USP36: variants seen among roughly 807,000 people sequenced by gnomAD.
USP36 encodes the protein ubiquitin carboxyl-terminal hydrolase 36.
A neutral mutation model predicts 111.5 loss-of-function variants in USP36; 59 were observed. The ratio of observed to expected loss-of-function variants is 0.53; its 90% CI spans 0.43 to 0.66. The LOEUF (loss-of-function observed/expected upper bound fraction) is 0.66. Ranked by LOEUF, USP36 falls within the 30% of genes least tolerant of loss-of-function variation. USP36 has a pLI of 0.00. For missense variants in USP36, 1,488 were observed against 1,468.0 expected (o/e 1.01, Z -0.22); for synonymous variants, 628 against 581.0 (o/e 1.08, Z -1.16).
In USP36 at chr17:78,802,500, A is replaced by G; in HGVS notation, c.2846T>C (p.Met949Thr). 1.9e-6 allele frequency: 3 copies of G among 1,608,038 alleles called. No individual in the cohort carries two copies. Among genetic ancestry groups the G allele is most frequent in the Non-Finnish European group, 2.5e-6 (3 of 1,179,862 alleles). The change falls in exon 17 of 21, where the codon ATG becomes ACG. Residue 949 changes from methionine (M) to threonine (T), a missense_variant. Physicochemically the swap from Met to Thr is moderately conservative, Grantham distance 81 (BLOSUM62 -1). This residue lies in a region of USP36 where 1,073 missense variants were observed against 994.1 expected (regional missense o/e 1.08). Transcript: ENST00000449938. ...SPMGDGDPEA[M>T]EESPRKKKKK... ...TTTCTTTTTCCTTGGAGACTCTTCC[A>G]TGGCCTCTGGATCACCATCACCCAT...
chr17:78,807,732 T>C (rs952735469), intron 13 of USP36, 96 bp from the exon 14 acceptor site: 3 of 1,228,824 alleles, frequency 2.4e-6, no homozygotes, highest in Non-Finnish European at 3.3e-6. Flanking sequence ...GTAGCAGGCA[T>C]GGCCTCTGAT....
At position 78,814,426 on chromosome 17, in the gene USP36, A is replaced by G; in HGVS notation, c.1150T>C (p.Tyr384His). 1 of 1,614,188 alleles carries G rather than the reference A, an allele frequency of 6.2e-7. No individual in the cohort carries two copies. The highest frequency in any genetic ancestry group is 8.5e-7 in the Non-Finnish European group (1 of 1,180,030). Residue 384 changes from tyrosine to histidine, a missense_variant, in exon 11 of 21, where the codon TAC becomes CAC. Around this residue, in one of 3 missense-constraint regions of USP36, gnomAD observed 1,073 missense variants for 994.1 expected, o/e 1.08. Transcript: ENST00000449938. ...SGYSCHAGHYYCYVKASNGQW... is the reference protein window; with the variant it reads ...SGYSCHAGHYHCYVKASNGQW... Reference sequence around the variant, plus strand: ...AAGCCTCTCACCTTCACGTAGCAGTAATAGTGCCCGGCATGGCAGCTGTAG... The same window carrying G: ...AAGCCTCTCACCTTCACGTAGCAGTGATAGTGCCCGGCATGGCAGCTGTAG...
intron 8 of USP36, 127 bp downstream of exon 8, chr17:78,820,864 C>A: frequency 1.0e-6 from 1 of 980,304 alleles, no homozygotes; most frequent in Non-Finnish European, 1.6e-6. Flanking sequence ...TACTGCAAGG[C>A]GGCAGGGAGC....
At chr17:78,806,346 A>C in intron 14 of USP36, 60 bp from the exon 15 acceptor site, 1 of 1,595,938 alleles carries the variant, frequency 6.3e-7, no homozygotes, top group East Asian at 2.2e-5. Flanking sequence ...GTGAGTGAAG[A>C]GGGAAAACAA....
intron 4 of USP36, among the ~76,000 whole-genome samples, chr17:78,833,467 C>T (rs912049992): frequency 2.0e-5 from 3 of 151,936 alleles, no homozygotes; most frequent in African/African-American, 7.3e-5. Context: ...ACTTCTATAG[C>T]ACTCCCTCTT....
chr17:78,836,585 A>C (rs997082778), intron 2 of USP36, among the ~76,000 whole-genome samples: 1 of 152,134 alleles, frequency 6.6e-6, no homozygotes, highest in African/African-American at 2.4e-5. Flanking sequence ...CAAAAAGATA[A>C]GATGCCACTA....
At position 78,796,824 on chromosome 17, in the gene USP36, G is replaced by GTCACC. The variant is rs2093636436; in HGVS notation, c.*1071_*1075dup. 1 of 152,268 alleles carries GTCACC rather than the reference G, an allele frequency of 6.6e-6. No homozygotes were observed. Among genetic ancestry groups the GTCACC allele is most frequent in the African/African-American group, 2.4e-5 (1 of 41,444 alleles). 9.4% of individuals were successfully genotyped at this position (152,268 alleles called of 1,614,324 possible). On this transcript the variant is annotated 3_prime_UTR_variant, in exon 21 of 21. Transcript: ENST00000449938. ...GACCCGATGAGGAAGGATGTTCACG[G>GTCACC]TCACCTTCACACTTCCCACTACTAT...
In USP36 at chr17:78,834,997, G is replaced by GTGTGTATATATATATATATATATATA. The variant is rs968867639; in HGVS notation, c.475+282_475+283insTATATATATATATATATATATACACA. On this transcript the variant is annotated intron_variant, in intron 4 of 20. Coordinates refer to ENST00000449938, the MANE Select transcript of USP36 (RefSeq NM_001385174.1). ...TACTGTCTCTAAAAAAATAATATTT[G>GTGTGTATATATATATATATATATATA]TATATATATATATATATATATTTTG... is the stretch of plus-strand genomic sequence containing the variant. Among the ~76,000 whole-genome samples the GTGTGTATATATATATATATATATATA allele has an allele frequency of 9.5e-4, 134 of 141,406 alleles. 1 individual carries two copies. The highest frequency in any genetic ancestry group is 3.5e-3 in the African/African-American group (124 of 35,824). The allele number at this position is 141,406 out of a possible 152,430, so 92.8% of individuals were successfully genotyped here.
intron 7 of USP36, among the ~76,000 whole-genome samples, chr17:78,821,680 C>T (rs1024703738): frequency 6.6e-6 from 1 of 151,942 alleles, no homozygotes; most frequent in African/African-American, 2.4e-5. Flanking sequence ...TCAGGTGATC[C>T]TCCTGCCTCG....
At chr17:78,837,208 C>T (rs191860114) in intron 2 of USP36, among the ~76,000 whole-genome samples, 277 of 152,144 alleles carry the variant, frequency 1.8e-3, no homozygotes, top group Non-Finnish European at 3.3e-3. Flanking sequence ...TTACACAGTG[C>T]TTGGAGTACA....
chr17:78,802,110 G>C (rs2093760812), intron 17 of USP36, among the ~76,000 whole-genome samples: 1 of 138,946 alleles, frequency 7.2e-6, no homozygotes, highest in Non-Finnish European at 1.6e-5. Context: ...CCCTTGCCCG[G>C]TGCACACCCA....
At chr17:78,839,958 C>T (rs2069098759) in intron 1 of USP36, among the ~76,000 whole-genome samples, 1 of 152,232 alleles carries the variant, frequency 6.6e-6, no homozygotes, top group Admixed American at 6.5e-5. Flanking sequence ...TCTAAAGTCA[C>T]TTTTCCAGGA....
At chr17:78,828,004 G>A (rs1456422630) in intron 5 of USP36, among the ~76,000 whole-genome samples, 2 of 152,154 alleles carry the variant, frequency 1.3e-5, no homozygotes, top group South Asian at 2.1e-4. Context: ...CAGGAGGATC[G>A]CTTGGAGCTG....
At chr17:78,819,789 T>C in intron 9 of USP36, 141 bp downstream of exon 9, 1 of 803,858 alleles carries the variant, frequency 1.2e-6, no homozygotes, top group Non-Finnish European at 2.0e-6. Context: ...AAGTTTGAGT[T>C]TTTAGGACAC....
At chr17:78,838,297 G>A (rs572846808) in intron 2 of USP36, among the ~76,000 whole-genome samples, 18 of 151,210 alleles carry the variant, frequency 1.2e-4, no homozygotes, top group Admixed American at 7.3e-4. Context: ...GCTTGAACAC[G>A]GGAGGCAGAG....
At chr17:78,805,087 GTC>G (rs1284693637) in intron 15 of USP36, among the ~76,000 whole-genome samples, 1 of 152,116 alleles carries the variant, frequency 6.6e-6, no homozygotes, top group Non-Finnish European at 1.5e-5. Context: ...CCAGCTATGT[GTC>G]TCTAGGAAAA....
intron 5 of USP36, 23 bp from the exon 6 acceptor site, chr17:78,827,370 G>C (rs1466149049): frequency 2.5e-6 from 4 of 1,596,058 alleles, no homozygotes; most frequent in Non-Finnish European, 3.4e-6. Context: ...GAAACAGGGA[G>C]GGAAGAGCTC....
In USP36 at chr17:78,840,804, A is replaced by C. The variant is rs1264632511; in HGVS notation, c.-242T>G. 2.0e-5 allele frequency: 3 copies of C among 152,250 alleles called. No individual in the cohort carries two copies. The highest frequency in any genetic ancestry group is 2.0e-4 in the Admixed American group (3 of 15,282). The allele number at this position is 152,250 out of a possible 1,614,324, so 9.4% of individuals were successfully genotyped here. On this transcript the variant is annotated 5_prime_UTR_variant, in exon 1 of 21. Coordinates refer to ENST00000449938, the MANE Select transcript of USP36 (RefSeq NM_001385174.1). ...CGACTCCTTCGGCCCGCGGCCCAGCACGCGCACCATCCGGGCCTCCGGCGC... is the reference window on the plus strand; with the variant it reads ...CGACTCCTTCGGCCCGCGGCCCAGCCCGCGCACCATCCGGGCCTCCGGCGC...
chr17:78,806,339 A>C lies in USP36; in HGVS notation c.2086-53T>G, dbSNP rs938669567. The C allele has an allele frequency of 3.0e-5, 48 of 1,607,788 alleles. No homozygotes were observed. The Middle Eastern group carries it at 1.0e-3, about 34-fold the overall frequency. On this transcript the variant is annotated intron_variant, in intron 14 of 20. Coordinates refer to ENST00000449938, the MANE Select transcript of USP36 (RefSeq NM_001385174.1). ...TGGTGGTCTAAAAAAGGTTTCCGTGAGTGAAGAGGGAAAACAAAAGTAACA... is the reference window on the plus strand; with the variant it reads ...TGGTGGTCTAAAAAAGGTTTCCGTGCGTGAAGAGGGAAAACAAAAGTAACA...
Sources: allele counts gnomAD v4.1 joint callset (sites outside exome capture counted in the v4.1 genomes callset), GRCh38; gene constraint gnomAD v4.1.1; regional missense constraint gnomAD v4.1.1; transcripts MANE v1.5; gene names NCBI Gene and HGNC (gene_info 2026-07-23, HGNC 2026-07-21).